Variants in CNTNAP2 observed in about 807,000 individuals in gnomAD.
The protein encoded by CNTNAP2 is contactin associated protein 2, also known as contactin-associated protein-like 2.
A neutral mutation model predicts 155.2 loss-of-function variants in CNTNAP2; 98 were observed. That is an observed-to-expected ratio of 0.63 (90% CI 0.54 to 0.75). The LOEUF (loss-of-function observed/expected upper bound fraction) is 0.75, where lower values mean the gene tolerates loss of function less well. Among genes scored for constraint, CNTNAP2 ranks in the 30% least tolerant of loss-of-function variants. CNTNAP2 has a pLI of 0.00. For missense variants in CNTNAP2, 1,727 were observed against 1,688.1 expected (o/e 1.02, Z -0.40); for synonymous variants, 651 against 631.2 (o/e 1.03, Z -0.47).
chr7:147,076,794 A>G (rs1800009112), intron 4 of CNTNAP2, among the ~76,000 whole-genome samples: 1 of 152,212 alleles, frequency 6.6e-6, no homozygotes, highest in Non-Finnish European at 1.5e-5. Flanking sequence ...ACTTTAATAG[A>G]CGTTCTGGCT....
intron 1 of CNTNAP2, among the ~76,000 whole-genome samples, chr7:146,405,102 C>T (rs1584909864): frequency 6.6e-6 from 1 of 152,124 alleles, no homozygotes; most frequent in East Asian, 1.9e-4. Flanking sequence ...ATATATTTCC[C>T]ATCTGGTGCA....
intron 2 of CNTNAP2, among the ~76,000 whole-genome samples, chr7:146,814,761 C>T (rs886821931): frequency 6.6e-6 from 1 of 151,906 alleles, no homozygotes; most frequent in Non-Finnish European, 1.5e-5. Context: ...CCAAAGTCAC[C>T]CCAAAGAAAT....
intron 4 of CNTNAP2, 85 bp from the exon 5 acceptor site, chr7:147,108,062 C>G: frequency 8.4e-7 from 1 of 1,193,404 alleles, no homozygotes; most frequent in South Asian, 1.3e-5. Context: ...TTACTTAATT[C>G]TCATTTATTC....
rs145994857 is a variant in CNTNAP2 at position 146,684,485 on chromosome 7, C to T, written c.98-89786C>T. On this transcript the variant is annotated intron_variant, in intron 1 of 23. Transcript: ENST00000361727. ...AAAGACTTATTTGACTACTCTAAAT[C>T]TCTGAAAACACTTCTAGTATTCAAA... 2.4e-3 allele frequency among the ~76,000 whole-genome samples: 370 copies of T among 152,008 alleles called. 2 individuals are homozygous for T. Among genetic ancestry groups the T allele is most frequent in the African/African-American group, 8.3e-3 (346 of 41,446 alleles).
At chr7:147,012,882 C>G (rs542346286) in intron 3 of CNTNAP2, among the ~76,000 whole-genome samples, 345 of 152,186 alleles carry the variant, frequency 2.3e-3, no homozygotes, top group Non-Finnish European at 3.8e-3. Flanking sequence ...TTGGGACCTG[C>G]TAGTATTGCA....
chr7:147,950,162 G>A (rs1800900335), intron 14 of CNTNAP2, among the ~76,000 whole-genome samples: 1 of 151,916 alleles, frequency 6.6e-6, no homozygotes, highest in Non-Finnish European at 1.5e-5. Flanking sequence ...TAACTACCAA[G>A]TATAGTAAGG....
intron 1 of CNTNAP2, among the ~76,000 whole-genome samples, chr7:146,441,560 C>T (rs1796321338): frequency 6.6e-6 from 1 of 151,494 alleles, no homozygotes; most frequent in East Asian, 1.9e-4. Flanking sequence ...TCAGTGTCTA[C>T]AAGATGAGTT....
chr7:147,549,271 T>C (rs1442443594), intron 11 of CNTNAP2, among the ~76,000 whole-genome samples: 3 of 152,176 alleles, frequency 2.0e-5, no homozygotes, highest in Admixed American at 1.3e-4. Context: ...TCCTGTCTTA[T>C]TTTCTTGAGC....
At chr7:148,123,109 G>A (rs1207710542) in intron 16 of CNTNAP2, among the ~76,000 whole-genome samples, 2 of 152,174 alleles carry the variant, frequency 1.3e-5, no homozygotes. Flanking sequence ...CACATCTAGA[G>A]GATGCTGAAT....
rs925282031 is a variant in CNTNAP2, at chr7:146,269,325, C to T, written c.97+152352C>T. 3.3e-5 allele frequency among the ~76,000 whole-genome samples: 5 copies of T among 150,916 alleles called. 1 individual carries two copies. The highest frequency in any genetic ancestry group is 6.8e-3 in the Middle Eastern group (2 of 294). On this transcript the variant is annotated intron_variant, in intron 1 of 23. Transcript: ENST00000361727. ...ACTGCATTCCAGCCTGGTGACAGAG[C>T]GAGACTCCATCTCAAATCAATCAAT...
chr7:147,317,796 G>GTATATATATA (rs747483520), intron 9 of CNTNAP2, among the ~76,000 whole-genome samples: 11 of 97,166 alleles, frequency 1.1e-4, no homozygotes, highest in African/African-American at 3.5e-4. Context: ...GTGTGTGTGT[G>GTATATATATA]TGTATATGTA....
At chr7:147,606,462 A>G (rs1050118578) in intron 12 of CNTNAP2, among the ~76,000 whole-genome samples, 1 of 152,220 alleles carries the variant, frequency 6.6e-6, no homozygotes, top group African/African-American at 2.4e-5. Flanking sequence ...GATTTATCCT[A>G]TTTAAGCATT....
intron 17 of CNTNAP2, among the ~76,000 whole-genome samples, chr7:148,150,187 C>T (rs987215876): frequency 8.7e-5 from 13 of 149,210 alleles, no homozygotes; most frequent in Non-Finnish European, 1.6e-4. Flanking sequence ...CCGAGGCAGG[C>T]GGATCATGAG....
chr7:147,115,656 T>C (rs1207340014), intron 5 of CNTNAP2, among the ~76,000 whole-genome samples: 2 of 152,188 alleles, frequency 1.3e-5, no homozygotes, highest in Admixed American at 1.3e-4. Context: ...TTTTCAGCTC[T>C]AACATGTCAA....
intron 13 of CNTNAP2, among the ~76,000 whole-genome samples, chr7:147,645,086 C>T (rs1291469153): frequency 4.0e-5 from 6 of 151,854 alleles, no homozygotes; most frequent in South Asian, 2.1e-4. Flanking sequence ...GGATAGTTTA[C>T]TATTAGATTT....
At position 147,914,604 on chromosome 7, in the gene CNTNAP2, C is replaced by T. The variant is rs903540608; in HGVS notation, c.2255+10883C>T. Among the ~76,000 whole-genome samples the T allele has an allele frequency of 3.3e-5, 5 of 151,968 alleles. No homozygotes were observed. In the South Asian group the frequency reaches 1.0e-3, roughly 32 times the overall value. Reference sequence around the variant, plus strand: ...TGAGAAGGGTCTCACTGTGTTGCCCCAGCTGAAATACAGTGACATGATCTT... The same window carrying T: ...TGAGAAGGGTCTCACTGTGTTGCCCTAGCTGAAATACAGTGACATGATCTT... On this transcript the variant is annotated intron_variant, in intron 14 of 23. Coordinates refer to ENST00000361727, the MANE Select transcript of CNTNAP2 (RefSeq NM_014141.6).
intron 1 of CNTNAP2, among the ~76,000 whole-genome samples, chr7:146,686,408 C>A (rs184834635): frequency 1.3e-5 from 2 of 152,036 alleles, no homozygotes; most frequent in Non-Finnish European, 2.9e-5. Context: ...TGGCTACTTC[C>A]GAAATTTCAA....
rs115032074 is a variant in CNTNAP2, at chr7:148,121,045, T to A, written c.2554+2757T>A. ...TCACACTTTTTCTTTAATTTTTTTT[T>A]ATTTTTTTTTATGGTGTCTCGCTCT... On this transcript the variant is annotated intron_variant, in intron 16 of 23. Coordinates refer to ENST00000361727, the MANE Select transcript of CNTNAP2 (RefSeq NM_014141.6). 9.2e-3 allele frequency among the ~76,000 whole-genome samples: 1,398 copies of A among 152,248 alleles called. 21 individuals carry two copies. The highest frequency in any genetic ancestry group is 0.031 in the African/African-American group (1,303 of 41,546).
At chr7:146,511,964 G>T (rs7788852) in intron 1 of CNTNAP2, among the ~76,000 whole-genome samples, 2,190 of 152,114 alleles carry the variant, frequency 0.014, 45 homozygotes, top group African/African-American at 0.048. Context: ...ATATTGGTCT[G>T]TTCAGATGTT....
Sources: gnomAD v4.1 joint callset for allele counts (sites outside exome capture counted in the v4.1 genomes callset) on GRCh38, gnomAD v4.1.1 for gene constraint, MANE v1.5 for transcripts, NCBI Gene and HGNC (gene_info 2026-07-23, HGNC 2026-07-21) for gene names.